FAF1: variants seen among roughly 807,000 people sequenced by gnomAD.
FAF1 encodes the protein Fas associated factor 1.
Under a neutral mutation model 92.5 loss-of-function variants are expected in FAF1, and 25 were observed. The observed-to-expected ratio is 0.27, with a 90% CI of 0.20 to 0.38. FAF1 has a LOEUF of 0.38. FAF1 is among the 10% of genes least tolerant of loss of function. The pLI is 1.00. For missense variants in FAF1, 636 were observed against 793.3 expected (o/e 0.80, Z 2.38); for synonymous variants, 234 against 273.2 (o/e 0.86, Z 1.42).
chr1:50,851,736 G>C (rs1456656359), intron 2 of FAF1, among the ~76,000 whole-genome samples: 1 of 152,126 alleles, frequency 6.6e-6, no homozygotes, highest in Admixed American at 6.6e-5. Context: ...CTAGATTATA[G>C]GAAAAGTGAT....
intron 1 of FAF1, among the ~76,000 whole-genome samples, chr1:50,937,191 A>G (rs915073412): frequency 6.6e-6 from 1 of 152,094 alleles, no homozygotes; most frequent in Non-Finnish European, 1.5e-5. Flanking sequence ...TTGTGCATTA[A>G]TAATAATACA....
At chr1:50,725,807 C>T (rs1658624538) in intron 6 of FAF1, among the ~76,000 whole-genome samples, 1 of 152,064 alleles carries the variant, frequency 6.6e-6, no homozygotes, top group South Asian at 2.1e-4. Context: ...CACAGGAGTC[C>T]CATTTAGTAC....
chr1:50,721,548 T>C (rs1239852262), intron 6 of FAF1, among the ~76,000 whole-genome samples: 2 of 152,134 alleles, frequency 1.3e-5, no homozygotes, highest in Admixed American at 6.6e-5. Context: ...TTCAGACATT[T>C]ACTTACATAT....
intron 4 of FAF1, among the ~76,000 whole-genome samples, chr1:50,779,019 C>A (rs1294665661): frequency 6.6e-6 from 1 of 152,188 alleles, no homozygotes; most frequent in Non-Finnish European, 1.5e-5. Flanking sequence ...GTTTATGTCA[C>A]ATTCTAAATC....
intron 17 of FAF1, among the ~76,000 whole-genome samples, chr1:50,490,308 C>T (rs114893712): frequency 0.013 from 1,991 of 151,504 alleles, 42 homozygotes; most frequent in African/African-American, 0.044. Flanking sequence ...TACAACGAGC[C>T]GAGATGGTGC....
intron 2 of FAF1, among the ~76,000 whole-genome samples, chr1:50,822,820 G>C (rs1474245764): frequency 6.9e-6 from 1 of 145,698 alleles, no homozygotes; most frequent in Non-Finnish European, 1.5e-5. Flanking sequence ...TGTTGCCCAG[G>C]CTGGAGTGCA....
At chr1:50,917,373 G>A (rs568283120) in intron 1 of FAF1, among the ~76,000 whole-genome samples, 3 of 152,160 alleles carry the variant, frequency 2.0e-5, no homozygotes, top group Admixed American at 6.5e-5. Flanking sequence ...TTTTAATTCC[G>A]AGCAAGAACT....
intron 7 of FAF1, among the ~76,000 whole-genome samples, chr1:50,669,165 T>G (rs921275492): frequency 6.6e-6 from 1 of 152,132 alleles, no homozygotes; most frequent in Non-Finnish European, 1.5e-5. Flanking sequence ...ATTCACATAC[T>G]TTTCTAGTTG....
Position 50,636,357 on chromosome 1 carries a change from TTC to T in FAF1, c.744+19083_744+19084del, listed in dbSNP as rs1200641549. The stretch of plus-strand genomic sequence containing the variant: ...AGGCAAACACCATGAAATTTGTATT[TTC>T]TCTTAGTTTGGGGCGTGTCCTTTTT... On this transcript the variant is annotated intron_variant, in intron 8 of 18. Transcript: ENST00000396153. 7.9e-5 allele frequency among the ~76,000 whole-genome samples: 12 copies of T among 151,812 alleles called. No homozygotes were observed. The East Asian group carries it at 2.1e-3, about 27-fold the overall frequency.
chr1:50,790,431 C>T (rs1008709419), intron 3 of FAF1, among the ~76,000 whole-genome samples: 12 of 152,162 alleles, frequency 7.9e-5, no homozygotes, highest in Non-Finnish European at 1.8e-4. Context: ...TGAGCCACCG[C>T]ACCCGGCTTT....
chr1:50,559,870 C>T (rs796688272), intron 13 of FAF1, among the ~76,000 whole-genome samples: 1 of 152,296 alleles, frequency 6.6e-6, no homozygotes, highest in African/African-American at 2.4e-5. Flanking sequence ...GATGGCAATA[C>T]ACTTCCTTTA....
Position 50,438,494 on chromosome 1 carries a change from G to A in FAF1, c.*2946C>T, listed in dbSNP as rs1557945305. 1 of 152,230 alleles carries A rather than the reference G, an allele frequency of 6.6e-6. No individual in the cohort carries two copies. The highest frequency in any genetic ancestry group is 2.1e-4 in the South Asian group (1 of 4,830). 9.4% of individuals were successfully genotyped at this position (152,230 alleles called of 1,614,324 possible). A position where few individuals can be genotyped will look rare whatever the true frequency, so the allele number is the denominator to read the frequency against. ...ACTATAATGTGCAATGCCTATATGA[G>A]TTACTCCTGGACTGAACTAAAGACT... On this transcript the variant is annotated 3_prime_UTR_variant, in exon 19 of 19. Transcript: ENST00000396153.
intron 7 of FAF1, among the ~76,000 whole-genome samples, chr1:50,671,967 A>C (rs549789371): frequency 3.3e-5 from 5 of 149,280 alleles, no homozygotes; most frequent in African/African-American, 1.2e-4. Context: ...CCTAATTTTT[A>C]CATATTTTTT....
intron 1 of FAF1, among the ~76,000 whole-genome samples, chr1:50,898,773 T>G (rs1644775040): frequency 6.6e-6 from 1 of 152,180 alleles, no homozygotes; most frequent in Admixed American, 6.5e-5. Context: ...TTCCTTTGAC[T>G]GTTCTTAAAT....
At chr1:50,830,833 A>C (rs1332175524) in intron 2 of FAF1, among the ~76,000 whole-genome samples, 1 of 152,190 alleles carries the variant, frequency 6.6e-6, no homozygotes, top group Non-Finnish European at 1.5e-5. Context: ...TGAACTTATA[A>C]GAATAAAGAA....
chr1:50,689,038 G>A lies in FAF1; in HGVS notation c.657+16748C>T, dbSNP rs545529418. Among the ~76,000 whole-genome samples, 53 of 152,214 alleles carry A rather than the reference G, an allele frequency of 3.5e-4. 1 individual carries two copies. In the South Asian group the frequency reaches 9.8e-3, roughly 28 times the overall value. ...AGCTAGAGGCAAAGGGGAATAAGGAGTTACTGTTTAATGGGTACAGAGTTT... is the reference window on the plus strand; with the variant it reads ...AGCTAGAGGCAAAGGGGAATAAGGAATTACTGTTTAATGGGTACAGAGTTT... On this transcript the variant is annotated intron_variant, in intron 7 of 18. Coordinates refer to ENST00000396153, the MANE Select transcript of FAF1 (RefSeq NM_007051.3).
At chr1:50,671,357 A>G (rs1457419161) in intron 7 of FAF1, among the ~76,000 whole-genome samples, 1 of 151,670 alleles carries the variant, frequency 6.6e-6, no homozygotes, top group Non-Finnish European at 1.5e-5. Context: ...GTGAAACAAG[A>G]TCATGCCACT....
intron 17 of FAF1, among the ~76,000 whole-genome samples, chr1:50,481,297 ACT>A (rs1441726379): frequency 2.0e-5 from 3 of 152,222 alleles, no homozygotes; most frequent in Non-Finnish European, 4.4e-5. Context: ...CCACTTGCTC[ACT>A]GAGTCACCCA....
intron 6 of FAF1, among the ~76,000 whole-genome samples, chr1:50,732,291 G>T (rs556379994): frequency 6.6e-6 from 1 of 151,876 alleles, no homozygotes; most frequent in South Asian, 2.1e-4. Context: ...TAGCCAGGAT[G>T]GTCTCAATCT....
Sources: gnomAD v4.1 joint callset for allele counts (sites outside exome capture counted in the v4.1 genomes callset) on GRCh38, gnomAD v4.1.1 for gene constraint, MANE v1.5 for transcripts, NCBI Gene and HGNC (gene_info 2026-07-23, HGNC 2026-07-21) for gene names.